Variants in TSPAN15 observed in about 807,000 individuals in gnomAD.
TSPAN15 encodes tetraspanin-15.
In TSPAN15, 20 loss-of-function variants were observed where a neutral mutation model predicts 34.5. The observed-to-expected ratio is 0.58, with a 90% CI of 0.41 to 0.84. The LOEUF (loss-of-function observed/expected upper bound fraction) is 0.84. TSPAN15 is among the 40% of genes least tolerant of loss of function. The probability of loss-of-function intolerance (pLI) is 0.00; values close to 1 mark genes in which losing one functional copy is unlikely to be tolerated. For missense variants in TSPAN15, 313 were observed against 386.1 expected (o/e 0.81, Z 1.59); for synonymous variants, 155 against 153.9 (o/e 1.01, Z -0.05).
downstream of TSPAN15, among the ~76,000 whole-genome samples, chr10:69,509,424 G>T (rs1842393552): frequency 7.7e-6 from 1 of 129,674 alleles, no homozygotes. Flanking sequence ...TTTTTGATGG[G>T]GTTGTTTGAT....
At chr10:69,500,061 T>C (rs1203970968) in intron 5 of TSPAN15, among the ~76,000 whole-genome samples, 1 of 152,026 alleles carries the variant, frequency 6.6e-6, no homozygotes, top group East Asian at 1.9e-4. Context: ...AGTCTGGCTG[T>C]TGTGAGGGAC....
the TSPAN15 span, among the ~76,000 whole-genome samples, chr10:69,513,212 T>C: frequency 1.3e-5 from 2 of 152,228 alleles, no homozygotes; most frequent in Non-Finnish European, 1.5e-5. Context: ...ATATTTGCCA[T>C]CCACATAATT....
At chr10:69,511,737 G>T (rs1441027724), downstream of TSPAN15, among the ~76,000 whole-genome samples, 1 of 152,152 alleles carries the variant, frequency 6.6e-6, no homozygotes, top group Non-Finnish European at 1.5e-5. Context: ...TCTAAACACT[G>T]CTTTTGCTGT....
intron 1 of TSPAN15, among the ~76,000 whole-genome samples, chr10:69,456,043 C>T (rs12260685): frequency 0.24 from 36,493 of 151,758 alleles, 4,474 homozygotes; most frequent in African/African-American, 0.27. Context: ...ATAGAGGTGA[C>T]ACCAATTGTA....
chr10:69,506,570 A>T lies in TSPAN15; in HGVS notation c.736-259A>T, dbSNP rs1842331183. ...GCAGCAGAGCTGGGGTGGAGGCAGG[A>T]ATCCCAGAAGGGAGGGGCCCTTGCT... On this transcript the variant is annotated intron_variant, in intron 7 of 7. Transcript: ENST00000373290. The surrounding 1 kb of genome is among the most constrained non-coding windows in gnomAD (Gnocchi z 4.7). Among the ~76,000 whole-genome samples the T allele has an allele frequency of 1.3e-5, 2 of 152,152 alleles. No individual in the cohort carries two copies.
At chr10:69,501,166 G>T (rs184379875) in intron 5 of TSPAN15, among the ~76,000 whole-genome samples, 2 of 152,192 alleles carry the variant, frequency 1.3e-5, no homozygotes, top group East Asian at 1.9e-4. Context: ...CCGTGGACGT[G>T]GGGGGTTTGA....
the TSPAN15 span, among the ~76,000 whole-genome samples, chr10:69,521,424 C>T: frequency 2.0e-5 from 3 of 147,016 alleles, 1 homozygote; most frequent in Middle Eastern, 3.2e-3. Flanking sequence ...GCGGGCAGAT[C>T]GCTTGAGGTC....
At chr10:69,496,754 C>T (rs1842094395) in intron 4 of TSPAN15, among the ~76,000 whole-genome samples, 2 of 152,206 alleles carry the variant, frequency 1.3e-5, no homozygotes, top group South Asian at 4.1e-4. Context: ...TGGCCGCTCC[C>T]TTGGCCCAGA....
chr10:69,504,502 G>A lies in TSPAN15; in HGVS notation c.618+17G>A. The A allele has an allele frequency of 1.2e-6, 2 of 1,613,874 alleles. No homozygotes were observed. Among genetic ancestry groups the A allele is most frequent in the South Asian group, 1.1e-5 (1 of 91,068 alleles). ...GACAAGGAGGTAATGTCTTTGAAAT[G>A]CCTTTCCCTGGAAATGTTGCTCTTC... On this transcript the variant is annotated intron_variant, in intron 6 of 7. Transcript: ENST00000373290.
In TSPAN15 at chr10:69,498,536, C is replaced by T; in HGVS notation, c.570+140C>T. On this transcript the variant is annotated intron_variant, in intron 5 of 7. Coordinates refer to ENST00000373290, the MANE Select transcript of TSPAN15 (RefSeq NM_012339.5). ...GTAGGAGTTGGTGGCAGAGCGGAGG[C>T]TTTCCTGATTCTCAAGGGCTCCTGA... is the stretch of plus-strand genomic sequence containing the variant. 8.9e-6 allele frequency: 6 copies of T among 670,554 alleles called. No homozygotes were observed. In the South Asian group the frequency reaches 1.1e-4, roughly 13 times the overall value. 41.5% of individuals were successfully genotyped at this position (670,554 alleles called of 1,614,324 possible). A position where few individuals can be genotyped will look rare whatever the true frequency, so the allele number is the denominator to read the frequency against.
At chr10:69,492,608 T>G (rs969046552) in intron 3 of TSPAN15, among the ~76,000 whole-genome samples, 1 of 152,106 alleles carries the variant, frequency 6.6e-6, no homozygotes, top group East Asian at 1.9e-4. Context: ...TCCAGGCCCC[T>G]CTCGAAGCCC....
chr10:69,461,707 C>T (rs1418670863), intron 1 of TSPAN15, among the ~76,000 whole-genome samples: 1 of 151,966 alleles, frequency 6.6e-6, no homozygotes, highest in African/African-American at 2.4e-5. Flanking sequence ...TGGGCTGAGG[C>T]CAGCCTCTGG....
chr10:69,507,668 T>G (rs889510583), downstream of TSPAN15: 32 of 1,270,140 alleles, frequency 2.5e-5, no homozygotes, highest in African/African-American at 2.8e-4. Flanking sequence ...TTTTTTTTTT[T>G]TTTTTGCCTT....
chr10:69,504,980 A>C (rs1842294516), intron 6 of TSPAN15, among the ~76,000 whole-genome samples: 1 of 152,142 alleles, frequency 6.6e-6, no homozygotes, highest in Admixed American at 6.5e-5. Flanking sequence ...AGTGGCTTTC[A>C]AAGTGGGGTC....
Position 69,507,570 on chromosome 10 carries a change from A to G in TSPAN15, c.*592A>G, listed in dbSNP as rs777052525. 2 of 1,303,794 alleles carry G rather than the reference A, an allele frequency of 1.5e-6. No homozygotes were observed. The highest frequency in any genetic ancestry group is 2.3e-5 in the Admixed American group (1 of 43,520). The allele number at this position is 1,303,794 out of a possible 1,614,324, so 80.8% of individuals were successfully genotyped here. A position where few individuals can be genotyped will look rare whatever the true frequency, so the allele number is the denominator to read the frequency against. On this transcript the variant is annotated 3_prime_UTR_variant, in exon 8 of 8. Transcript: ENST00000373290. Reference sequence around the variant, plus strand: ...TTTGTACAGATAACAGGAGTTTCTGACTAATCAAAGCTGGTATTTCCCCGC... The same window carrying G: ...TTTGTACAGATAACAGGAGTTTCTGGCTAATCAAAGCTGGTATTTCCCCGC...
rs912390652 is a variant in TSPAN15 at position 69,507,065 on chromosome 10, C to T, written c.*87C>T. 13 of 1,547,258 alleles carry T rather than the reference C, an allele frequency of 8.4e-6. No homozygotes were observed. Among genetic ancestry groups the T allele is most frequent in the Middle Eastern group, 2.3e-4 (1 of 4,384 alleles). Reference sequence around the variant, plus strand: ...TCGTGGGGCTGGACAGGGCTGCGGCCCCTCTGCCCACACTCAGTACTGACC... The same window carrying T: ...TCGTGGGGCTGGACAGGGCTGCGGCTCCTCTGCCCACACTCAGTACTGACC... On this transcript the variant is annotated 3_prime_UTR_variant, in exon 8 of 8. Coordinates refer to ENST00000373290, the MANE Select transcript of TSPAN15 (RefSeq NM_012339.5).
At chr10:69,504,099 C>A (rs572473180) in intron 5 of TSPAN15, among the ~76,000 whole-genome samples, 1 of 152,266 alleles carries the variant, frequency 6.6e-6, no homozygotes, top group African/African-American at 2.4e-5. Flanking sequence ...ACCTCTGAGA[C>A]GGTGTGAGCA....
At chr10:69,495,568 C>G in intron 3 of TSPAN15, 26 bp from the exon 4 acceptor site, 1 of 1,569,194 alleles carries the variant, frequency 6.4e-7, no homozygotes, top group African/African-American at 1.3e-5. Context: ...TGGTTCTTTT[C>G]CTTTGTAATT....
chr10:69,491,219 G>A (rs1841962141), intron 3 of TSPAN15, among the ~76,000 whole-genome samples: 1 of 152,206 alleles, frequency 6.6e-6, no homozygotes, highest in African/African-American at 2.4e-5. Flanking sequence ...GTCACATTGG[G>A]CTTCTATTGG....
Sources: allele counts gnomAD v4.1 joint callset (sites outside exome capture counted in the v4.1 genomes callset), GRCh38; gene constraint gnomAD v4.1.1; non-coding constraint Gnocchi (gnomAD v3.1); transcripts MANE v1.5; gene names NCBI Gene and HGNC (gene_info 2026-07-23, HGNC 2026-07-21).